PLEKHS1: variants seen among roughly 807,000 people sequenced by gnomAD.
PLEKHS1 encodes pleckstrin homology domain containing S1.
PLEKHS1 carries 55 observed loss-of-function variants against 51.0 expected under a neutral mutation model. The ratio of observed to expected loss-of-function variants is 1.08; its 90% confidence interval spans 0.87 to 1.35. The LOEUF (loss-of-function observed/expected upper bound fraction) is 1.35, where lower values mean the gene tolerates loss of function less well. Ranked by LOEUF, PLEKHS1 falls within the 40% of genes most tolerant of loss-of-function variation. PLEKHS1 has a pLI of 0.00. For synonymous variants in PLEKHS1, 153 were observed against 144.8 expected, an observed-to-expected ratio of 1.06 and a Z score of -0.41; for missense variants, 398 against 423.0, an observed-to-expected ratio of 0.94 and a Z score of 0.52.
chr10:113,783,347 A>G (rs1327861173), downstream of PLEKHS1: 2 of 152,232 alleles, frequency 1.3e-5, no homozygotes, highest in Non-Finnish European at 2.9e-5. Flanking sequence ...TTCGTGATAC[A>G]TTAAGAATGA....
chr10:113,767,474 C>T (rs779301027), exon 5 of PLEKHS1: 50 of 1,606,498 alleles, frequency 3.1e-5, no homozygotes, highest in East Asian at 1.1e-4. Context: ...TCATTGGCCA[C>T]GACAGGTGAG....
At chr10:113,781,998 C>T (rs947287501) in exon 12 of PLEKHS1, 3 of 152,224 alleles carry the variant, frequency 2.0e-5, no homozygotes, top group Non-Finnish European at 4.4e-5. Context: ...AATAACAGAA[C>T]TACTTAGCAC....
chr10:113,774,898 G>C, exon 10 of PLEKHS1: 1 of 1,614,144 alleles, frequency 6.2e-7, no homozygotes, highest in Admixed American at 1.7e-5. Flanking sequence ...CAGAGACCCA[G>C]GATGGGGACC....
chr10:113,756,217 TG>T (rs1431603255), intron 2 of PLEKHS1, among the ~76,000 whole-genome samples: 6 of 152,094 alleles, frequency 3.9e-5, no homozygotes, highest in African/African-American at 1.4e-4. Context: ...TTTAAAATGT[TG>T]TTGGTGGGAG....
At chr10:113,775,095 T>G in intron 10 of PLEKHS1, 60 bp downstream of exon 10, 1 of 852,000 alleles carries the variant, frequency 1.2e-6, no homozygotes, top group South Asian at 2.3e-5. Context: ...TCCCTCCCAC[T>G]TTTTTTTTTA....
At chr10:113,754,492 C>T (rs1263910253) in intron 1 of PLEKHS1, among the ~76,000 whole-genome samples, 1 of 151,952 alleles carries the variant, frequency 6.6e-6, no homozygotes, top group Non-Finnish European at 1.5e-5. Flanking sequence ...CCAGGTTATC[C>T]TCAGGAGTCT....
chr10:113,777,513 A>G, intron 11 of PLEKHS1: 3 of 1,562,718 alleles, frequency 1.9e-6, no homozygotes, highest in Non-Finnish European at 2.6e-6. Context: ...GATGTAGCAA[A>G]AAGAGCTTGC....
intron 11 of PLEKHS1, 119 bp from the exon 12 acceptor site, chr10:113,777,005 A>C: frequency 9.6e-6 from 11 of 1,145,828 alleles, no homozygotes; most frequent in Non-Finnish European, 1.4e-5. Context: ...TCTAAACAGA[A>C]GGAGATAGTC....
chr10:113,758,120 T>C (rs1025692204), intron 2 of PLEKHS1, among the ~76,000 whole-genome samples: 2 of 152,244 alleles, frequency 1.3e-5, no homozygotes, highest in East Asian at 3.8e-4. Flanking sequence ...TTGATGTTGA[T>C]ATTTTGACCT....
At position 113,771,674 on chromosome 10, in the gene PLEKHS1, C is replaced by CAAA. The variant is rs11383972; in HGVS notation, c.553-277_553-275dup. Among the ~76,000 whole-genome samples the CAAA allele has an allele frequency of 7.9e-3, 585 of 74,232 alleles. 13 individuals carry two copies. Among genetic ancestry groups the CAAA allele is most frequent in the African/African-American group, 0.024 (433 of 18,210 alleles). 48.7% of individuals were successfully genotyped at this position (74,232 alleles called of 152,430 possible). A position where few individuals can be genotyped will look rare whatever the true frequency, so the allele number is the denominator to read the frequency against. ...TGGGGGACAGAGTGAGACTCTGTCT[C>CAAA]AAAAAAAAAAAAAAAAAAAAAGAAT... On this transcript the variant is annotated intron_variant, in intron 7 of 11. Transcript: ENST00000361048.
At chr10:113,762,210 G>C (rs972956574) in intron 2 of PLEKHS1, among the ~76,000 whole-genome samples, 1 of 151,776 alleles carries the variant, frequency 6.6e-6, no homozygotes, top group Non-Finnish European at 1.5e-5. Context: ...AGTTTTTCTG[G>C]TCTATCTGCC....
intron 2 of PLEKHS1, among the ~76,000 whole-genome samples, chr10:113,758,919 G>T (rs1843795036): frequency 6.6e-6 from 1 of 152,080 alleles, no homozygotes; most frequent in Admixed American, 6.5e-5. Context: ...GCCAAAATGT[G>T]ACACAGAGAC....
rs190692809 is a variant in PLEKHS1 at position 113,779,021 on chromosome 10, C to G, written c.*-1581C>G. Reference sequence around the variant, plus strand: ...TGGCCTCAGCCTGAGCTGAAGCTCACAGATTAGTGGATGAAGCAGGCATGT... The same window carrying G: ...TGGCCTCAGCCTGAGCTGAAGCTCAGAGATTAGTGGATGAAGCAGGCATGT... On this transcript the variant is annotated intron_variant, in intron 11 of 11. Coordinates refer to ENST00000361048, the Ensembl canonical transcript of PLEKHS1. Among the ~76,000 whole-genome samples, 3 of 152,324 alleles carry G rather than the reference C, an allele frequency of 2.0e-5. No individual in the cohort carries two copies. In the East Asian group the frequency reaches 5.8e-4, roughly 29 times the overall value.
intron 7 of PLEKHS1, among the ~76,000 whole-genome samples, chr10:113,771,760 G>C (rs1844421464): frequency 6.6e-6 from 1 of 150,824 alleles, no homozygotes; most frequent in Non-Finnish European, 1.5e-5. Context: ...GAGAAAAAAA[G>C]CCTGAGTGAT....
At chr10:113,755,223 TGTTTG>T (rs1854053022) in intron 1 of PLEKHS1, 31 bp from the exon 2 acceptor site, 28 of 1,576,068 alleles carry the variant, frequency 1.8e-5, no homozygotes, top group Admixed American at 3.8e-5. Context: ...CACGTAGTGT[TGTTTG>T]GGGACTAACA....
intron 11 of PLEKHS1, chr10:113,777,229 C>G (rs1376865860): frequency 6.2e-7 from 1 of 1,612,778 alleles, no homozygotes; most frequent in South Asian, 1.1e-5. Flanking sequence ...AGGAGGTCTC[C>G]CTGTTTCTTA....
chr10:113,768,223 G>C (rs1360415416), intron 5 of PLEKHS1, among the ~76,000 whole-genome samples: 1 of 152,130 alleles, frequency 6.6e-6, no homozygotes, highest in Non-Finnish European at 1.5e-5. Context: ...AGGGGCTTCT[G>C]GTCCTAGCAA....
exon 7 of PLEKHS1, chr10:113,769,808 A>G: frequency 6.2e-7 from 1 of 1,613,746 alleles, no homozygotes; most frequent in Non-Finnish European, 8.5e-7. Flanking sequence ...GGGTAATAAA[A>G]GAACCCTCTT....
rs1000448111 is a variant in PLEKHS1, at chr10:113,777,984, T to C, written c.1091+2118T>C. 18 of 324,266 alleles carry C rather than the reference T, an allele frequency of 5.6e-5. No homozygotes were observed. The Admixed American group carries it at 7.7e-4, about 14-fold the overall frequency. The allele number at this position is 324,266 out of a possible 1,614,324, so 20.1% of individuals were successfully genotyped here. A position where few individuals can be genotyped will look rare whatever the true frequency, so the allele number is the denominator to read the frequency against. ...CAGCCTGGAAGACAGAGCGAGACCC[T>C]GTCTCAAAAGAAAAACAACAACAGA... On this transcript the variant is annotated intron_variant, in intron 11 of 11. Coordinates refer to ENST00000361048, the Ensembl canonical transcript of PLEKHS1.
Sources: gnomAD v4.1 joint callset for allele counts (sites outside exome capture counted in the v4.1 genomes callset) on GRCh38, gnomAD v4.1.1 for gene constraint, MANE v1.5 for transcripts, NCBI Gene and HGNC (gene_info 2026-07-23, HGNC 2026-07-21) for gene names.